CTNND2: variants seen among roughly 807,000 people sequenced by gnomAD.
CTNND2 encodes catenin delta-2.
A neutral mutation model predicts 144.4 loss-of-function variants in CTNND2; 22 were observed. The ratio of observed to expected loss-of-function variants is 0.15; its 90% CI spans 0.11 to 0.22. The LOEUF (loss-of-function observed/expected upper bound fraction) is 0.22. Ranked by LOEUF, CTNND2 falls within the 10% of genes least tolerant of loss-of-function variation. The probability of loss-of-function intolerance (pLI) is 1.00; values close to 1 mark genes in which losing one functional copy is unlikely to be tolerated. For missense variants in CTNND2, 1,353 were observed against 1,618.8 expected, an observed-to-expected ratio of 0.84 and a Z score of 2.82; for synonymous variants, 751 against 695.6, an observed-to-expected ratio of 1.08 and a Z score of -1.25.
intron 3 of CTNND2, among the ~76,000 whole-genome samples, chr5:11,419,379 T>C (rs1762188842): frequency 6.6e-6 from 1 of 152,206 alleles, no homozygotes; most frequent in Non-Finnish European, 1.5e-5. Flanking sequence ...GCCTTTATAA[T>C]ATTCTTAGCA....
intron 7 of CTNND2, among the ~76,000 whole-genome samples, chr5:11,367,757 AC>A (rs1757114068): frequency 1.3e-5 from 2 of 152,132 alleles, no homozygotes. Context: ...CTTGACCAAG[AC>A]CCTGCAGGAT....
intron 2 of CTNND2, among the ~76,000 whole-genome samples, chr5:11,633,968 C>T (rs1194458996): frequency 6.6e-6 from 1 of 152,078 alleles, no homozygotes; most frequent in Non-Finnish European, 1.5e-5. Flanking sequence ...GATTTCCCCC[C>T]TCATGACATC....
chr5:11,454,682 C>T (rs931882794), intron 3 of CTNND2, among the ~76,000 whole-genome samples: 10 of 151,788 alleles, frequency 6.6e-5, no homozygotes, highest in African/African-American at 2.2e-4. Context: ...CTGCAATCTC[C>T]ACCTCCTGGT....
chr5:11,210,309 G>T (rs1017292279), intron 10 of CTNND2, among the ~76,000 whole-genome samples: 2 of 151,986 alleles, frequency 1.3e-5, no homozygotes, highest in African/African-American at 4.8e-5. Flanking sequence ...GAGGAATGGG[G>T]ATCATTTGAG....
At chr5:11,380,974 T>G (rs1457417895) in intron 7 of CTNND2, among the ~76,000 whole-genome samples, 1 of 152,124 alleles carries the variant, frequency 6.6e-6, no homozygotes, top group Admixed American at 6.5e-5. Context: ...CCAGAACTAC[T>G]CCCAGACCAC....
chr5:11,045,719 C>A, intron 16 of CTNND2, among the ~76,000 whole-genome samples: 1 of 152,074 alleles, frequency 6.6e-6, no homozygotes, highest in East Asian at 1.9e-4. Context: ...ATCTCAAGAC[C>A]CTTAACTTAA....
At chr5:11,098,306 T>C (rs1173940103) in intron 15 of CTNND2, among the ~76,000 whole-genome samples, 1 of 152,076 alleles carries the variant, frequency 6.6e-6, no homozygotes, top group Admixed American at 6.6e-5. Flanking sequence ...GCTACAAGAA[T>C]AGAATGAAAA....
intron 3 of CTNND2, among the ~76,000 whole-genome samples, chr5:11,552,674 C>T (rs1203774726): frequency 6.6e-6 from 1 of 152,190 alleles, no homozygotes; most frequent in African/African-American, 2.4e-5. Context: ...CTAGCACTCA[C>T]TGCAACACTT....
intron 8 of CTNND2, among the ~76,000 whole-genome samples, chr5:11,362,515 T>TTTC (rs745750408): frequency 6.6e-6 from 1 of 152,104 alleles, no homozygotes; most frequent in Non-Finnish European, 1.5e-5. Context: ...AGAGAGGTAG[T>TTTC]TTCTCCTCCT....
At chr5:11,334,566 G>A (rs1195832178) in intron 9 of CTNND2, among the ~76,000 whole-genome samples, 1 of 152,176 alleles carries the variant, frequency 6.6e-6, no homozygotes, top group Non-Finnish European at 1.5e-5. Flanking sequence ...GTGAAAGACT[G>A]GACGCCCTCT....
chr5:11,680,602 G>C (rs941887880), intron 2 of CTNND2, among the ~76,000 whole-genome samples: 1 of 152,144 alleles, frequency 6.6e-6, no homozygotes, highest in Non-Finnish European at 1.5e-5. Context: ...ACTAAAATGT[G>C]CATTACGTGC....
At chr5:11,654,199 T>G (rs1016508969) in intron 2 of CTNND2, among the ~76,000 whole-genome samples, 1 of 152,118 alleles carries the variant, frequency 6.6e-6, no homozygotes, top group Non-Finnish European at 1.5e-5. Flanking sequence ...TTTGTTCTTT[T>G]GCTCAAGATT....
At chr5:11,685,333 G>A (rs1168281815) in intron 2 of CTNND2, among the ~76,000 whole-genome samples, 3 of 152,110 alleles carry the variant, frequency 2.0e-5, no homozygotes, top group African/African-American at 4.8e-5. Flanking sequence ...AAAGCAAAGT[G>A]TCAGCCATCA....
intron 2 of CTNND2, among the ~76,000 whole-genome samples, chr5:11,670,561 G>C (rs1783827821): frequency 6.6e-6 from 1 of 152,128 alleles, no homozygotes. Flanking sequence ...TCAGAGACAA[G>C]ACTAGGATTG....
At chr5:11,863,291 C>G (rs1338468222) in intron 1 of CTNND2, among the ~76,000 whole-genome samples, 1 of 152,238 alleles carries the variant, frequency 6.6e-6, no homozygotes, top group East Asian at 1.9e-4. Flanking sequence ...AATGGTATAT[C>G]CCGAAAATAT....
intron 2 of CTNND2, among the ~76,000 whole-genome samples, chr5:11,667,897 G>T (rs1783663266): frequency 6.6e-6 from 1 of 152,142 alleles, no homozygotes; most frequent in African/African-American, 2.4e-5. Flanking sequence ...TATGGTTTTA[G>T]GTCTTACCTT....
In CTNND2 at chr5:11,647,256, G is replaced by A. The variant is rs186386406; in HGVS notation, c.175-82200C>T. Reference sequence around the variant, plus strand: ...TCAATTTTCTGGTCATTGCTAGTCCGGCAAAAAGTCCAAGCCTGGATCAAT... The same window carrying A: ...TCAATTTTCTGGTCATTGCTAGTCCAGCAAAAAGTCCAAGCCTGGATCAAT... On this transcript the variant is annotated intron_variant, in intron 2 of 21. Coordinates refer to ENST00000304623, the MANE Select transcript of CTNND2 (RefSeq NM_001332.4). Among the ~76,000 whole-genome samples the A allele has an allele frequency of 2.2e-4, 34 of 152,134 alleles. 1 individual carries two copies. The East Asian group carries it at 3.7e-3, about 17-fold the overall frequency.
At chr5:11,890,379 T>C (rs1047243222) in intron 1 of CTNND2, among the ~76,000 whole-genome samples, 14 of 152,172 alleles carry the variant, frequency 9.2e-5, no homozygotes, top group South Asian at 2.1e-4. Flanking sequence ...AGGACATCCA[T>C]GGCAGCTGAC....
At position 11,364,862 on chromosome 5, in the gene CTNND2, C is replaced by T; in HGVS notation, c.1206G>A (p.Gln402=). The T allele has an allele frequency of 6.2e-7, 1 of 1,612,866 alleles. No individual in the cohort carries two copies. Among genetic ancestry groups the T allele is most frequent in the Non-Finnish European group, 8.5e-7 (1 of 1,179,442 alleles). ...AAGSRASYSS[Q]HGHLGPELRA... Reference sequence around the variant, plus strand: ...GCAACTCTGGGCCCAGGTGCCCATGCTGGCTGCTGTATGAGGCTCGGGAAC... The same window carrying T: ...GCAACTCTGGGCCCAGGTGCCCATGTTGGCTGCTGTATGAGGCTCGGGAAC... The change falls in exon 8 of 22, where the codon CAG becomes CAA. Residue 402 remains glutamine, a synonymous_variant. Coordinates refer to ENST00000304623, the MANE Select transcript of CTNND2 (RefSeq NM_001332.4).
Sources: allele counts gnomAD v4.1 joint callset (sites outside exome capture counted in the v4.1 genomes callset), GRCh38; gene constraint gnomAD v4.1.1; transcripts MANE v1.5; gene names NCBI Gene and HGNC (gene_info 2026-07-23, HGNC 2026-07-21).